The following CRCP variants were observed in gnomAD, a reference collection of about 807,000 sequenced individuals.
The protein encoded by CRCP is DNA-directed RNA polymerase III subunit RPC9.
Under a neutral mutation model 18.5 loss-of-function variants are expected in CRCP, and 18 were observed. The ratio of observed to expected loss-of-function variants is 0.97; its 90% CI spans 0.67 to 1.44. CRCP has a LOEUF of 1.44. CRCP is among the 40% of genes most tolerant of loss of function. The pLI, the probability that CRCP is intolerant of heterozygous loss-of-function variation, is 0.00. For missense variants in CRCP, 130 were observed against 176.4 expected, an observed-to-expected ratio of 0.74 and a Z score of 1.49; for synonymous variants, 53 against 62.9, an observed-to-expected ratio of 0.84 and a Z score of 0.75.
intron 4 of CRCP, among the ~76,000 whole-genome samples, chr7:66,143,449 T>C (rs532979522): frequency 6.6e-6 from 1 of 152,194 alleles, no homozygotes; most frequent in Admixed American, 6.5e-5. Context: ...CTCCGGGAGC[T>C]TTCTTTCCTC....
At chr7:66,135,373 T>TA (rs1232972442) in intron 4 of CRCP, among the ~76,000 whole-genome samples, 1 of 152,216 alleles carries the variant, frequency 6.6e-6, no homozygotes, top group African/African-American at 2.4e-5. Flanking sequence ...TAAAATAAGT[T>TA]AAATTGTTTT....
chr7:66,132,917 A>G (rs1028032333), intron 3 of CRCP, among the ~76,000 whole-genome samples: 16 of 151,274 alleles, frequency 1.1e-4, no homozygotes, highest in Non-Finnish European at 2.2e-4. Flanking sequence ...TCTCAAATAA[A>G]TAAATAAATA....
At chr7:66,128,057 A>C (rs1053185923) in intron 2 of CRCP, among the ~76,000 whole-genome samples, 1 of 150,930 alleles carries the variant, frequency 6.6e-6, no homozygotes, top group African/African-American at 2.4e-5. Flanking sequence ...CGGAGGTTGC[A>C]GTGAACTAAG....
At chr7:66,116,235 C>T (rs1787258186) in intron 1 of CRCP, among the ~76,000 whole-genome samples, 1 of 151,972 alleles carries the variant, frequency 6.6e-6, no homozygotes, top group African/African-American at 2.4e-5. Context: ...TGGCTCACAC[C>T]AGCAATCCCA....
chr7:66,126,659 A>G lies in CRCP; in HGVS notation c.9-1045A>G, dbSNP rs1003787553. 4.6e-6 allele frequency: 2 copies of G among 430,188 alleles called. 1 individual carries two copies. Among genetic ancestry groups the G allele is most frequent in the Non-Finnish European group, 9.3e-6 (2 of 215,056 alleles). 26.6% of individuals were successfully genotyped at this position (430,188 alleles called of 1,614,324 possible). ...TTATGGAGATGTTAATACAAGTACC[A>G]AGAACTATTCTAAACTTTTAAAATT... On this transcript the variant is annotated intron_variant, in intron 1 of 5. Coordinates refer to ENST00000395326, the MANE Select transcript of CRCP (RefSeq NM_014478.5).
At chr7:66,124,232 T>C (rs1311920995) in intron 1 of CRCP, among the ~76,000 whole-genome samples, 7 of 143,714 alleles carry the variant, frequency 4.9e-5, no homozygotes, top group Admixed American at 1.4e-4. Context: ...TGATGGCGGG[T>C]GCCTGTAGTC....
In CRCP at chr7:66,153,052, C is replaced by T. The variant is rs1351243858; in HGVS notation, c.*695C>T. ...GCTGCCTTTCTGACCACCCCACTTTCCTGCCCTGAGACAGCAGCCCAGGGC... is the reference window on the plus strand; with the variant it reads ...GCTGCCTTTCTGACCACCCCACTTTTCTGCCCTGAGACAGCAGCCCAGGGC... On this transcript the variant is annotated 3_prime_UTR_variant, in exon 6 of 6. Coordinates refer to ENST00000395326, the MANE Select transcript of CRCP (RefSeq NM_014478.5). 6.5e-6 allele frequency: 1 copy of T among 152,780 alleles called. No homozygotes were observed. The highest frequency in any genetic ancestry group is 2.4e-5 in the African/African-American group (1 of 41,442). 9.5% of individuals were successfully genotyped at this position (152,780 alleles called of 1,614,324 possible).
At chr7:66,120,636 C>A (rs1787408705) in intron 1 of CRCP, 1 of 151,820 alleles carries the variant, frequency 6.6e-6, no homozygotes, top group African/African-American at 2.4e-5. Flanking sequence ...TACAGTTGAC[C>A]CTTGAACAAC....
chr7:66,141,161 CTG>C (rs1788125148), intron 4 of CRCP, among the ~76,000 whole-genome samples: 1 of 152,170 alleles, frequency 6.6e-6, no homozygotes, highest in Non-Finnish European at 1.5e-5. Flanking sequence ...GGCTTCTTCA[CTG>C]TGGCTGGGCC....
At chr7:66,128,427 G>A (rs1787682613) in intron 2 of CRCP, among the ~76,000 whole-genome samples, 2 of 152,066 alleles carry the variant, frequency 1.3e-5, no homozygotes, top group South Asian at 2.1e-4. Context: ...TATCACCTTT[G>A]ATATATTTAT....
intron 1 of CRCP, among the ~76,000 whole-genome samples, chr7:66,117,826 C>T (rs1787317013): frequency 1.3e-5 from 2 of 152,202 alleles, no homozygotes; most frequent in South Asian, 4.1e-4. Flanking sequence ...CCACTTGCCA[C>T]TCTCCCAACC....
At chr7:66,136,852 G>A (rs1227225338) in intron 4 of CRCP, among the ~76,000 whole-genome samples, 1 of 151,746 alleles carries the variant, frequency 6.6e-6, no homozygotes, top group African/African-American at 2.4e-5. Context: ...GGCTGAGGCA[G>A]GTGGATCACG....
At chr7:66,140,513 G>T (rs1451926694) in intron 4 of CRCP, among the ~76,000 whole-genome samples, 1 of 151,256 alleles carries the variant, frequency 6.6e-6, no homozygotes, top group Admixed American at 6.6e-5. Context: ...CTCCTGTTTC[G>T]GCCTCCTGAG....
chr7:66,148,182 C>G (rs866539816), intron 5 of CRCP, among the ~76,000 whole-genome samples: 1 of 151,970 alleles, frequency 6.6e-6, no homozygotes, highest in Non-Finnish European at 1.5e-5. Flanking sequence ...GCCAACATGG[C>G]GAAACCTCAT....
intron 4 of CRCP, among the ~76,000 whole-genome samples, chr7:66,144,861 C>T (rs113203629): frequency 8.5e-5 from 13 of 152,052 alleles, no homozygotes; most frequent in African/African-American, 2.4e-4. Context: ...TAGGAATTAC[C>T]GTCCTGGGCC....
intron 5 of CRCP, among the ~76,000 whole-genome samples, chr7:66,151,673 C>CTCTGTGTGTGTGTGTG (rs1484742797): frequency 1.3e-4 from 18 of 138,584 alleles, no homozygotes; most frequent in Admixed American, 2.2e-4. Context: ...CCACTTCTCT[C>CTCTGTGTGTGTGTGTG]TGTGTGTGTG....
intron 4 of CRCP, among the ~76,000 whole-genome samples, chr7:66,135,097 C>A (rs1165183183): frequency 1.3e-5 from 2 of 152,170 alleles, no homozygotes; most frequent in Admixed American, 1.3e-4. Flanking sequence ...CCTAATGATT[C>A]AATTCAGATA....
At chr7:66,148,345 C>T (rs1008305446) in intron 5 of CRCP, among the ~76,000 whole-genome samples, 2 of 152,000 alleles carry the variant, frequency 1.3e-5, no homozygotes, top group Non-Finnish European at 2.9e-5. Flanking sequence ...CCAGCCTGGG[C>T]GACAAGAGCG....
chr7:66,151,010 C>G (rs1788441388), intron 5 of CRCP: 1 of 152,194 alleles, frequency 6.6e-6, no homozygotes, highest in Admixed American at 6.6e-5. Context: ...TTTATGTGGA[C>G]CTTTGATGGG....
Sources: allele counts gnomAD v4.1 joint callset (sites outside exome capture counted in the v4.1 genomes callset), GRCh38; gene constraint gnomAD v4.1.1; transcripts MANE v1.5; gene names NCBI Gene and HGNC (gene_info 2026-07-23, HGNC 2026-07-21).